The following CDH4 variants were observed in gnomAD, a reference collection of about 807,000 sequenced individuals.
The protein encoded by CDH4 is cadherin 4, also known as cadherin-4.
Under a neutral mutation model 86.0 loss-of-function variants are expected in CDH4, and 33 were observed. The observed-to-expected ratio is 0.38, with a 90% CI of 0.29 to 0.51. The LOEUF (loss-of-function observed/expected upper bound fraction) is 0.51, where lower values mean the gene tolerates loss of function less well. Ranked by LOEUF, CDH4 falls within the 20% of genes least tolerant of loss-of-function variation. The pLI, the probability that CDH4 is intolerant of heterozygous loss-of-function variation, is 0.86. For missense variants in CDH4, 1,114 were observed against 1,307.4 expected, an observed-to-expected ratio of 0.85 and a Z score of 2.28; for synonymous variants, 555 against 549.4, an observed-to-expected ratio of 1.01 and a Z score of -0.14.
At chr20:61,463,673 CA>C (rs1162690058) in intron 2 of CDH4, among the ~76,000 whole-genome samples, 1 of 152,132 alleles carries the variant, frequency 6.6e-6, no homozygotes, top group Non-Finnish European at 1.5e-5. Flanking sequence ...GCCACAGCAC[CA>C]GAGCTGTAAA....
rs6061910 is a variant in CDH4, at chr20:61,933,124, G to A, written c.2379G>A (p.Gln793=). Residue 793 remains glutamine, a splice_region_variant and synonymous_variant, in exon 14 of 16, where the codon CAG becomes CAA. Transcript: ENST00000614565. ...AGGAAGGCGGTGGCGAGGAGGACCA[G>A]GTGAGACTGCGGCCCGCCCCCGCCT... ...YDEEGGGEED[Q]DYDLSQLQQP... 2 of 1,612,074 alleles carry A rather than the reference G, an allele frequency of 1.2e-6. No individual in the cohort carries two copies. Among genetic ancestry groups the A allele is most frequent in the Non-Finnish European group, 8.5e-7 (1 of 1,179,336 alleles).
intron 2 of CDH4, among the ~76,000 whole-genome samples, chr20:61,542,103 C>T (rs559550084): frequency 2.0e-5 from 3 of 152,192 alleles, no homozygotes; most frequent in Non-Finnish European, 2.9e-5. Context: ...ACCCAGAGGG[C>T]AGCTGGTCCA....
In CDH4 at chr20:61,923,682, C is replaced by T. The variant is rs1300094953; in HGVS notation, c.1606C>T (p.Arg536Trp). The T allele has an allele frequency of 1.1e-5, 18 of 1,613,820 alleles. No homozygotes were observed. The highest frequency in any genetic ancestry group is 1.4e-5 in the Non-Finnish European group (17 of 1,180,030). The change falls in exon 10 of 16, where the codon CGG becomes TGG. Residue 536 changes from arginine to tryptophan, a missense_variant. Arg to Trp is a moderately radical substitution (Grantham distance 101). Coordinates refer to ENST00000614565, the MANE Select transcript of CDH4 (RefSeq NM_001794.5). ...LTTFSAVDPD[R>W]FMQQAVRYSK... is the part of the protein sequence containing the mutation. ...CACGTTTTCAGCTGTGGACCCTGAC[C>T]GGTTCATGCAGCAGGCTGTGAGGTG...
chr20:61,472,372 A>G (rs950985630), intron 2 of CDH4, among the ~76,000 whole-genome samples: 3 of 152,054 alleles, frequency 2.0e-5, no homozygotes, highest in African/African-American at 7.2e-5. Context: ...TCCATTCTGA[A>G]TTATTGACAA....
intron 2 of CDH4, among the ~76,000 whole-genome samples, chr20:61,730,870 A>G (rs2104777): frequency 0.22 from 34,146 of 151,958 alleles, 4,220 homozygotes; most frequent in African/African-American, 0.32. Context: ...CCACTGGGCC[A>G]TGCAGGCAGC....
At chr20:61,845,624 G>A (rs186154956) in intron 5 of CDH4, among the ~76,000 whole-genome samples, 1 of 152,390 alleles carries the variant, frequency 6.6e-6, no homozygotes, top group Admixed American at 6.5e-5. Context: ...CCAGATGTGA[G>A]CTATTGGGCA....
At chr20:61,298,901 T>TA (rs2084371520) in intron 2 of CDH4, among the ~76,000 whole-genome samples, 3 of 151,728 alleles carry the variant, frequency 2.0e-5, no homozygotes, top group Admixed American at 1.3e-4. Flanking sequence ...ACTCAGGAAC[T>TA]AAAAATGCTC....
At chr20:61,836,039 G>A (rs575546890) in intron 4 of CDH4, among the ~76,000 whole-genome samples, 1 of 152,334 alleles carries the variant, frequency 6.6e-6, no homozygotes, top group Admixed American at 6.5e-5. Context: ...TCTTGACCGG[G>A]CTCTGGCATT....
intron 2 of CDH4, among the ~76,000 whole-genome samples, chr20:61,571,597 C>T (rs1171732540): frequency 6.6e-6 from 1 of 152,180 alleles, no homozygotes; most frequent in East Asian, 1.9e-4. Context: ...CCTCACCGCC[C>T]CTGCATTCTA....
intron 2 of CDH4, among the ~76,000 whole-genome samples, chr20:61,680,606 G>A (rs374707291): frequency 1.4e-4 from 22 of 152,322 alleles, no homozygotes; most frequent in East Asian, 3.9e-4. Context: ...AGCATCCCCC[G>A]AGGATAGAAG....
intron 2 of CDH4, among the ~76,000 whole-genome samples, chr20:61,554,311 G>T (rs1214901401): frequency 6.6e-6 from 1 of 152,172 alleles, no homozygotes; most frequent in African/African-American, 2.4e-5. Context: ...AAGCTAAATT[G>T]CTTCTGTGAT....
chr20:61,274,418 GTACCAT>G (rs2084212804), intron 2 of CDH4, among the ~76,000 whole-genome samples: 1 of 119,432 alleles, frequency 8.4e-6, no homozygotes, highest in African/African-American at 3.3e-5. Flanking sequence ...GTTTGGGGGA[GTACCAT>G]GTGCAGTTTG....
intron 2 of CDH4, among the ~76,000 whole-genome samples, chr20:61,340,069 C>T (rs2084642178): frequency 6.6e-6 from 1 of 152,158 alleles, no homozygotes; most frequent in African/African-American, 2.4e-5. Flanking sequence ...AATTTTAAAA[C>T]CCAGATAGGT....
intron 4 of CDH4, among the ~76,000 whole-genome samples, chr20:61,843,418 C>A (rs1358888345): frequency 7.2e-6 from 1 of 139,576 alleles, no homozygotes; most frequent in African/African-American, 2.6e-5. Flanking sequence ...CCACTGCAGT[C>A]CGCAGTCCGG....
At chr20:61,597,532 C>A (rs1189642898) in intron 2 of CDH4, among the ~76,000 whole-genome samples, 1 of 152,240 alleles carries the variant, frequency 6.6e-6, no homozygotes, top group African/African-American at 2.4e-5. Flanking sequence ...GAGCCCTGTC[C>A]TGGGGCATCA....
chr20:61,705,189 G>T (rs1464384491), intron 2 of CDH4, among the ~76,000 whole-genome samples: 4 of 152,206 alleles, frequency 2.6e-5, no homozygotes, highest in Non-Finnish European at 5.9e-5. Context: ...GGGAATATTT[G>T]TTCTCACCTT....
At chr20:61,826,607 C>T (rs904572114) in intron 4 of CDH4, among the ~76,000 whole-genome samples, 6 of 152,194 alleles carry the variant, frequency 3.9e-5, no homozygotes, top group East Asian at 1.9e-4. Context: ...TTTATGTAAG[C>T]TGGTCAGTAT....
intron 3 of CDH4, among the ~76,000 whole-genome samples, chr20:61,752,836 T>G (rs550883143): frequency 6.6e-6 from 1 of 152,216 alleles, no homozygotes; most frequent in South Asian, 2.1e-4. Context: ...CGGGTGGCAC[T>G]GAGGTGCAGA....
intron 2 of CDH4, among the ~76,000 whole-genome samples, chr20:61,658,076 A>C (rs6121749): frequency 0.23 from 34,613 of 152,018 alleles, 4,286 homozygotes; most frequent in African/African-American, 0.33. Flanking sequence ...CCAGCCAGGC[A>C]CAGGAGCTCC....
Sources: allele counts gnomAD v4.1 joint callset (sites outside exome capture counted in the v4.1 genomes callset), GRCh38; gene constraint gnomAD v4.1.1; transcripts MANE v1.5; gene names NCBI Gene and HGNC (gene_info 2026-07-23, HGNC 2026-07-21).